The following TMEM9B variants were observed in gnomAD, a reference collection of about 807,000 sequenced individuals.
The protein encoded by TMEM9B is transmembrane protein 9B.
A neutral mutation model predicts 23.5 loss-of-function variants in TMEM9B; 8 were observed. That is an observed-to-expected ratio of 0.34 (90% CI 0.20 to 0.61). The LOEUF (loss-of-function observed/expected upper bound fraction) is 0.61, where lower values mean the gene tolerates loss of function less well. Among genes scored for constraint, TMEM9B ranks in the 20% least tolerant of loss-of-function variants. The pLI, the probability that TMEM9B is intolerant of heterozygous loss-of-function variation, is 0.78. For missense variants in TMEM9B, 197 were observed against 252.3 expected (o/e 0.78, Z 1.49); for synonymous variants, 106 against 96.3 (o/e 1.10, Z -0.59).
intron 4 of TMEM9B, among the ~76,000 whole-genome samples, chr11:8,951,757 CAAA>C (rs747141702): frequency 6.6e-5 from 6 of 91,376 alleles, no homozygotes; most frequent in Non-Finnish European, 4.5e-5. Flanking sequence ...GACTGCGTCT[CAAA>C]AAAAAAAAAA....
At chr11:8,951,522 CAGGGG>C (rs1853873682) in intron 4 of TMEM9B, among the ~76,000 whole-genome samples, 1 of 151,174 alleles carries the variant, frequency 6.6e-6, no homozygotes. Context: ...GAGGCCGAGG[CAGGGG>C]GATCATGAGG....
chr11:8,955,486 A>G (rs988772579), intron 3 of TMEM9B, among the ~76,000 whole-genome samples: 3 of 152,030 alleles, frequency 2.0e-5, no homozygotes, highest in Non-Finnish European at 4.4e-5. Flanking sequence ...TCCTGCAACT[A>G]GACGGTCCCA....
chr11:8,964,395 G>A lies in TMEM9B; in HGVS notation c.-82C>T, dbSNP rs1258396527. On this transcript the variant is annotated 5_prime_UTR_variant, in exon 1 of 5. Coordinates refer to ENST00000534025, the MANE Select transcript of TMEM9B (RefSeq NM_020644.3). ...GGCTCAGGCTCAGGCTCAGGCTCAG[G>A]CACAGGCTTGGGACCCGGCTGGGGA... 7.3e-6 allele frequency: 11 copies of A among 1,512,750 alleles called. No homozygotes were observed. The highest frequency in any genetic ancestry group is 1.4e-5 in the African/African-American group (1 of 71,064). The allele number at this position is 1,512,750 out of a possible 1,614,324, so 93.7% of individuals were successfully genotyped here.
rs1315949977 is a variant in TMEM9B at position 8,953,285 on chromosome 11, AC to A, written c.358del (p.Val120TyrfsTer10). The A allele has an allele frequency of 6.2e-7, 1 of 1,614,094 alleles. No individual in the cohort carries two copies. The highest frequency in any genetic ancestry group is 8.5e-7 in the Non-Finnish European group (1 of 1,179,970). On this transcript the variant is annotated frameshift_variant, in exon 4 of 5. Transcript: ENST00000534025. LOFTEE classifies it high-confidence loss of function. ...SILGLLLLYM[V>X]YLTLVEPILK... ...TATGGGCTCAACCAGAGTAAGATATACCATGTACAGAAGTAGAAGGCCCAAA... is the reference window on the plus strand; with the variant it reads ...TATGGGCTCAACCAGAGTAAGATATACATGTACAGAAGTAGAAGGCCCAAA...
Position 8,964,338 on chromosome 11 carries a change from G to C in TMEM9B, c.-25C>G. On this transcript the variant is annotated 5_prime_UTR_variant, in exon 1 of 5. Coordinates refer to ENST00000534025, the MANE Select transcript of TMEM9B (RefSeq NM_020644.3). ...TCGCTGGGGGCCCAGCGGTCCCACA[G>C]CCCGGAGCCCCCGCGACCGGCTCCC... 6.5e-7 allele frequency: 1 copy of C among 1,547,350 alleles called. No homozygotes were observed.
chr11:8,960,830 C>G (rs554091510), intron 2 of TMEM9B, among the ~76,000 whole-genome samples: 1 of 151,764 alleles, frequency 6.6e-6, no homozygotes, highest in East Asian at 1.9e-4. Flanking sequence ...TACAGGCACC[C>G]GCCACCAAGC....
chr11:8,951,322 G>A (rs1364045465), intron 4 of TMEM9B, among the ~76,000 whole-genome samples: 1 of 152,100 alleles, frequency 6.6e-6, no homozygotes, highest in Non-Finnish European at 1.5e-5. Flanking sequence ...GCTGGCAAGG[G>A]CTCACTCTGG....
At chr11:8,952,990 C>A in intron 4 of TMEM9B, 1 of 646,506 alleles carries the variant, frequency 1.5e-6, no homozygotes, top group Non-Finnish European at 2.7e-6. Flanking sequence ...GCATGCTCAC[C>A]AAAGATCATC....
Position 8,962,187 on chromosome 11 carries a change from T to G in TMEM9B, c.106-4A>C, listed in dbSNP as rs1414755770. 4 of 1,590,332 alleles carry G rather than the reference T, an allele frequency of 2.5e-6. No homozygotes were observed. Among genetic ancestry groups the G allele is most frequent in the Admixed American group, 1.8e-5 (1 of 56,502 alleles). ...TACATCTGACATCCTCGAAATTCTG[T>G]AACCAAAATGGAAACAGTATAGTGC... On this transcript the variant is annotated splice_polypyrimidine_tract_variant and splice_region_variant and intron_variant, in intron 1 of 4. Coordinates refer to ENST00000534025, the MANE Select transcript of TMEM9B (RefSeq NM_020644.3).
intron 2 of TMEM9B, among the ~76,000 whole-genome samples, chr11:8,960,138 GTTTTT>G (rs10550659): frequency 2.4e-5 from 2 of 83,702 alleles, no homozygotes; most frequent in African/African-American, 4.3e-5. Context: ...CTTTGTTTCT[GTTTTT>G]TTTTTTTTTT....
intron 1 of TMEM9B, 74 bp from the exon 2 acceptor site, chr11:8,962,257 A>G (rs1217085881): frequency 1.0e-6 from 1 of 966,498 alleles, no homozygotes; most frequent in Non-Finnish European, 1.5e-6. Context: ...TACCATATAC[A>G]TTTTGCCAAG....
chr11:8,964,563 C>T, upstream of TMEM9B: 3 of 1,129,862 alleles, frequency 2.7e-6, no homozygotes, highest in South Asian at 4.0e-5. Flanking sequence ...GGCCTAGCCC[C>T]GGCCCCGGGA....
upstream of TMEM9B, chr11:8,964,468 C>A (rs755896144): frequency 5.6e-6 from 8 of 1,422,634 alleles, no homozygotes; most frequent in Admixed American, 8.9e-5. Flanking sequence ...ACCGGGCGCG[C>A]CGGGTCAGAT....
intron 3 of TMEM9B, among the ~76,000 whole-genome samples, chr11:8,954,079 G>A (rs1426200437): frequency 1.3e-5 from 2 of 152,116 alleles, no homozygotes; most frequent in Non-Finnish European, 2.9e-5. Flanking sequence ...AAAAAGAAAC[G>A]AAGTACTGAT....
At chr11:8,964,148 T>C in intron 1 of TMEM9B, 61 bp downstream of exon 1, 2 of 1,514,810 alleles carry the variant, frequency 1.3e-6, no homozygotes, top group Middle Eastern at 1.7e-4. Context: ...CAGACCCAGT[T>C]TCCGCAAGGC....
At chr11:8,964,085 G>T in intron 1 of TMEM9B, 124 bp downstream of exon 1, 1 of 954,790 alleles carries the variant, frequency 1.0e-6, no homozygotes, top group South Asian at 1.8e-5. Context: ...GGGTCTGCCG[G>T]AGCTGTGAGG....
chr11:8,950,099 C>T (rs1853847499), intron 4 of TMEM9B, among the ~76,000 whole-genome samples: 1 of 145,876 alleles, frequency 6.9e-6, no homozygotes. Flanking sequence ...TTTCATGAGG[C>T]TTAAAATGTT....
In TMEM9B at chr11:8,953,459, T is replaced by C. The variant is rs372991342; in HGVS notation, c.307-122A>G. On this transcript the variant is annotated intron_variant, in intron 3 of 4. Transcript: ENST00000534025. ...CTATAGGATTTCTATACAAACCAGATAGCAATATAAGAAATAAACTCAACT... is the reference window on the plus strand; with the variant it reads ...CTATAGGATTTCTATACAAACCAGACAGCAATATAAGAAATAAACTCAACT... 6.3e-4 allele frequency: 579 copies of C among 911,826 alleles called. 8 individuals carry two copies. The South Asian group carries it at 7.2e-3, about 11-fold the overall frequency. 56.5% of individuals were successfully genotyped at this position (911,826 alleles called of 1,614,324 possible). A position where few individuals can be genotyped will look rare whatever the true frequency, so the allele number is the denominator to read the frequency against.
chr11:8,961,125 T>C (rs1417883212), intron 2 of TMEM9B, among the ~76,000 whole-genome samples: 2 of 152,032 alleles, frequency 1.3e-5, no homozygotes, highest in Non-Finnish European at 2.9e-5. Flanking sequence ...TTAACAAATA[T>C]GAGACTGAAC....
Sources: allele counts gnomAD v4.1 joint callset (sites outside exome capture counted in the v4.1 genomes callset), GRCh38; gene constraint gnomAD v4.1.1; transcripts MANE v1.5; gene names NCBI Gene and HGNC (gene_info 2026-07-23, HGNC 2026-07-21).